UTRN: variants seen among roughly 807,000 people sequenced by gnomAD.
The protein encoded by UTRN is dystrophin-related protein 1.
UTRN carries 283 observed loss-of-function variants against 463.9 expected under a neutral mutation model. The ratio of observed to expected loss-of-function variants is 0.61; its 90% CI spans 0.55 to 0.67. The LOEUF (loss-of-function observed/expected upper bound fraction) is 0.67. UTRN is among the 30% of genes least tolerant of loss of function. The probability of loss-of-function intolerance (pLI) is 0.00; values close to 1 mark genes in which losing one functional copy is unlikely to be tolerated. For missense variants in UTRN, 3,922 were observed against 4,084.3 expected (o/e 0.96, Z 1.08); for synonymous variants, 1,442 against 1,431.5 (o/e 1.01, Z -0.17).
intron 17 of UTRN, 72 bp downstream of exon 17, chr6:144,448,841 G>A (rs1392570943): frequency 1.3e-5 from 20 of 1,506,318 alleles, no homozygotes; most frequent in African/African-American, 5.6e-5. Context: ...TGCCTATTTT[G>A]TACTAATCAT....
intron 34 of UTRN, among the ~76,000 whole-genome samples, chr6:144,505,854 G>A (rs866535622): frequency 3.1e-4 from 47 of 152,262 alleles, no homozygotes; most frequent in Middle Eastern, 3.4e-3. Flanking sequence ...CCAGTTGGGC[G>A]TTAAAGTATC....
At chr6:144,740,938 G>A (rs369397935) in intron 54 of UTRN, among the ~76,000 whole-genome samples, 25 of 152,254 alleles carry the variant, frequency 1.6e-4, no homozygotes, top group Middle Eastern at 6.8e-3. Flanking sequence ...TAAAAAGATG[G>A]CAATCGTTTA....
At chr6:144,610,632 T>C (rs1805395472) in intron 51 of UTRN, among the ~76,000 whole-genome samples, 1 of 152,222 alleles carries the variant, frequency 6.6e-6, no homozygotes, top group African/African-American at 2.4e-5. Flanking sequence ...CCCAGCACTT[T>C]GGGAGGCCAA....
rs1404789103 is a variant in UTRN, at chr6:144,459,338, A to G, written c.2691A>G (p.Gln897=). ...TACAAGAGGCTGTAGAGGATCGTCA[A>G]CAACATCTAGAGAATGGTAAACCCA... ...QAVQEAVEDR[Q]QHLENELKGQ... The change falls in exon 21 of 75, where the codon CAA becomes CAG. Residue 897 remains glutamine, a synonymous_variant. Transcript: ENST00000367545. 1 of 1,604,240 alleles carries G rather than the reference A, an allele frequency of 6.2e-7. No homozygotes were observed. The highest frequency in any genetic ancestry group is 1.3e-5 in the African/African-American group (1 of 74,376).
chr6:144,785,085 C>G (rs1562907200), intron 61 of UTRN, among the ~76,000 whole-genome samples: 1 of 152,208 alleles, frequency 6.6e-6, no homozygotes, highest in East Asian at 1.9e-4. Flanking sequence ...GTTATTAACT[C>G]TTTTCAACCA....
intron 33 of UTRN, among the ~76,000 whole-genome samples, chr6:144,497,626 A>G (rs1793787061): frequency 6.6e-6 from 1 of 151,658 alleles, no homozygotes; most frequent in African/African-American, 2.4e-5. Flanking sequence ...GGTTGCAGTG[A>G]GTCAAGATTG....
At chr6:144,782,608 T>G (rs576444844) in intron 61 of UTRN, among the ~76,000 whole-genome samples, 20 of 147,438 alleles carry the variant, frequency 1.4e-4, no homozygotes, top group Non-Finnish European at 2.2e-4. Context: ...TTTATTTGCA[T>G]AGTGGTTATG....
chr6:144,601,422 T>C (rs1260272113), intron 51 of UTRN, among the ~76,000 whole-genome samples: 2 of 151,574 alleles, frequency 1.3e-5, no homozygotes, highest in East Asian at 3.9e-4. Context: ...CCTACCCTCA[T>C]GGATCATTTT....
At chr6:144,550,785 G>A (rs937840733) in intron 47 of UTRN, among the ~76,000 whole-genome samples, 180 bp from the exon 48 acceptor site, 1 of 152,208 alleles carries the variant, frequency 6.6e-6, no homozygotes, top group Non-Finnish European at 1.5e-5. Context: ...GAAGAACTGA[G>A]ATTTGAATGC....
Position 144,656,351 on chromosome 6 carries a change from G to C in UTRN, c.7480-22055G>C, listed in dbSNP as rs563521392. ...TATCAAAGAGGTGGTTGATAAAAAA[G>C]GACTGTAGAAATGTAGGTATATTAC... On this transcript the variant is annotated intron_variant, in intron 51 of 74. Coordinates refer to ENST00000367545, the MANE Select transcript of UTRN (RefSeq NM_007124.3). 2.6e-5 allele frequency among the ~76,000 whole-genome samples: 4 copies of C among 152,260 alleles called. No homozygotes were observed. In the South Asian group the frequency reaches 8.3e-4, roughly 32 times the overall value.
At position 144,851,523 on chromosome 6, in the gene UTRN, A is replaced by G. The variant is rs887532369; in HGVS notation, c.*526A>G. ...GTTTATCAGCCATATAACCAACTAG[A>G]TCCCAAATAGATCCATGTATTTGTT... On this transcript the variant is annotated 3_prime_UTR_variant, in exon 75 of 75. Coordinates refer to ENST00000367545, the MANE Select transcript of UTRN (RefSeq NM_007124.3). The G allele has an allele frequency of 1.9e-5, 3 of 154,562 alleles. No individual in the cohort carries two copies. The highest frequency in any genetic ancestry group is 7.2e-5 in the African/African-American group (3 of 41,448). The allele number at this position is 154,562 out of a possible 1,614,324, so 9.6% of individuals were successfully genotyped here.
At chr6:144,348,101 C>T (rs1777766135) in intron 2 of UTRN, among the ~76,000 whole-genome samples, 1 of 152,080 alleles carries the variant, frequency 6.6e-6, no homozygotes, top group African/African-American at 2.4e-5. Context: ...CCCTCTTGGC[C>T]TCCCAAAATG....
chr6:144,495,523 C>G (rs1426922055), intron 33 of UTRN, among the ~76,000 whole-genome samples: 1 of 152,244 alleles, frequency 6.6e-6, no homozygotes, highest in Non-Finnish European at 1.5e-5. Context: ...TCGCGCCTCT[C>G]CCTCCACACC....
At chr6:144,530,943 T>C in intron 41 of UTRN, 109 bp from the exon 42 acceptor site, 1 of 1,249,952 alleles carries the variant, frequency 8.0e-7, no homozygotes, top group Non-Finnish European at 1.1e-6. Flanking sequence ...AATTCAGTTG[T>C]TTGAGGTCTT....
At chr6:144,676,776 C>T (rs1781644097) in intron 51 of UTRN, among the ~76,000 whole-genome samples, 1 of 152,026 alleles carries the variant, frequency 6.6e-6, no homozygotes, top group Admixed American at 6.6e-5. Flanking sequence ...ATTCTTTTAA[C>T]ATTTTAGAAA....
rs559721706 is a variant in UTRN at position 144,485,474 on chromosome 6, A to G, written c.3777A>G (p.Thr1259=). The G allele has an allele frequency of 1.2e-6, 2 of 1,614,220 alleles. No homozygotes were observed. The highest frequency in any genetic ancestry group is 1.3e-5 in the African/African-American group (1 of 75,068). ...LNTLEERMKS[T]EVLPEKTDAV... The stretch of plus-strand genomic sequence containing the variant: ...CTTTGGAAGAGCGGATGAAGAGCAC[A>G]GAGGTCCTGCCTGAGAAGACGGATG... Residue 1259 remains threonine, a synonymous_variant, in exon 28 of 75, where the codon ACA becomes ACG. Transcript: ENST00000367545.
intron 53 of UTRN, among the ~76,000 whole-genome samples, chr6:144,709,176 A>G (rs1244687155): frequency 6.6e-6 from 1 of 152,194 alleles, no homozygotes; most frequent in African/African-American, 2.4e-5. Flanking sequence ...CTTTTAGTTC[A>G]TGTACCCATT....
At chr6:144,525,364 C>T (rs1796477885) in intron 41 of UTRN, among the ~76,000 whole-genome samples, 1 of 151,954 alleles carries the variant, frequency 6.6e-6, no homozygotes, top group African/African-American at 2.4e-5. Flanking sequence ...AATCTTGCTG[C>T]TTGTTATTGG....
chr6:144,730,115 G>A (rs886950992), intron 53 of UTRN, among the ~76,000 whole-genome samples: 1 of 152,188 alleles, frequency 6.6e-6, no homozygotes, highest in Admixed American at 6.5e-5. Context: ...TTTCCCTTAA[G>A]TGAATATTTT....
Sources: allele counts gnomAD v4.1 joint callset (sites outside exome capture counted in the v4.1 genomes callset), GRCh38; gene constraint gnomAD v4.1.1; transcripts MANE v1.5; gene names NCBI Gene and HGNC (gene_info 2026-07-23, HGNC 2026-07-21).